Variants in C12orf56 observed in about 807,000 individuals in gnomAD.
The protein encoded by C12orf56 is uncharacterized protein C12orf56.
In C12orf56, 71 loss-of-function variants were observed where a neutral mutation model predicts 69.9. That is an observed-to-expected ratio of 1.02 (90% CI 0.84 to 1.24). The LOEUF (loss-of-function observed/expected upper bound fraction) is 1.24. Ranked by LOEUF, C12orf56 falls within the 50% of genes most tolerant of loss-of-function variation. The probability of loss-of-function intolerance (pLI) is 0.00; values close to 1 mark genes in which losing one functional copy is unlikely to be tolerated. For missense variants in C12orf56, 732 were observed against 738.5 expected, an observed-to-expected ratio of 0.99 and a Z score of 0.10; for synonymous variants, 276 against 274.1, an observed-to-expected ratio of 1.01 and a Z score of -0.07.
At chr12:64,328,299 C>T (rs1276274467) in intron 3 of C12orf56, among the ~76,000 whole-genome samples, 1 of 152,014 alleles carries the variant, frequency 6.6e-6, no homozygotes, top group Non-Finnish European at 1.5e-5. Context: ...TTAATTTTCC[C>T]TATGCCTCTA....
rs537531479 is a variant in C12orf56, at chr12:64,274,089, G to A, written c.1584+812C>T. ...CTAATGAGGGAATCTCCCCTGTCACGGGGGGCAGAGAAGCGTCCTCCACTG... is the reference window on the plus strand; with the variant it reads ...CTAATGAGGGAATCTCCCCTGTCACAGGGGGCAGAGAAGCGTCCTCCACTG... On this transcript the variant is annotated intron_variant, in intron 11 of 12. Transcript: ENST00000543942. 6.6e-5 allele frequency among the ~76,000 whole-genome samples: 10 copies of A among 152,334 alleles called. No homozygotes were observed. The East Asian group carries it at 1.7e-3, about 26-fold the overall frequency.
intron 4 of C12orf56, 40 bp downstream of exon 4, chr12:64,318,535 A>G (rs2038718604): frequency 6.9e-7 from 1 of 1,440,108 alleles, no homozygotes; most frequent in Non-Finnish European, 9.2e-7. Context: ...AAATAAAAAT[A>G]TAAAAATTCA....
At position 64,293,518 on chromosome 12, in the gene C12orf56, A is replaced by G. The variant is rs1020365146; in HGVS notation, c.1114-7458T>C. On this transcript the variant is annotated intron_variant, in intron 6 of 12. Transcript: ENST00000543942. ...TTCTTTGTCTTTCAAATGGGTTAAT[A>G]ATATCACCTCATGGGGTTGATTTAA... 3 of 152,320 alleles carry G rather than the reference A, an allele frequency of 2.0e-5. 1 individual carries two copies. Among genetic ancestry groups the G allele is most frequent in the Admixed American group, 2.0e-4 (3 of 15,300 alleles). 9.4% of individuals were successfully genotyped at this position (152,320 alleles called of 1,614,324 possible). A position where few individuals can be genotyped will look rare whatever the true frequency, so the allele number is the denominator to read the frequency against.
chr12:64,372,422 T>A (rs887892970), intron 1 of C12orf56, among the ~76,000 whole-genome samples: 4 of 152,240 alleles, frequency 2.6e-5, no homozygotes, highest in Admixed American at 2.0e-4. Context: ...TTGCGAACTA[T>A]GTCTGACTAC....
intron 1 of C12orf56, among the ~76,000 whole-genome samples, chr12:64,361,428 C>T (rs887808291): frequency 1.3e-5 from 2 of 151,946 alleles, no homozygotes; most frequent in Admixed American, 1.3e-4. Flanking sequence ...GAGCTCAGCA[C>T]AAGATACAGG....
chr12:64,358,778 A>G (rs1009414582), intron 1 of C12orf56, among the ~76,000 whole-genome samples: 5 of 152,144 alleles, frequency 3.3e-5, no homozygotes, highest in Non-Finnish European at 7.4e-5. Context: ...TGGGCGACAC[A>G]GTGAGACTCC....
chr12:64,321,496 A>C (rs1482417374), intron 3 of C12orf56, among the ~76,000 whole-genome samples: 1 of 151,676 alleles, frequency 6.6e-6, no homozygotes, highest in Non-Finnish European at 1.5e-5. Context: ...TTTTATTTTT[A>C]CAAACTTAAA....
chr12:64,272,368 G>A (rs2038001332), intron 11 of C12orf56, among the ~76,000 whole-genome samples: 1 of 151,738 alleles, frequency 6.6e-6, no homozygotes, highest in African/African-American at 2.4e-5. Flanking sequence ...AGCCAGTCGT[G>A]GTGGCAGGTG....
chr12:64,315,188 G>A (rs2038675515), intron 4 of C12orf56, among the ~76,000 whole-genome samples: 1 of 151,888 alleles, frequency 6.6e-6, no homozygotes, highest in Admixed American at 6.6e-5. Flanking sequence ...CTGACCTCAG[G>A]TGATCCAACT....
chr12:64,330,866 C>T (rs757303582), intron 3 of C12orf56, 94 bp downstream of exon 3: 35 of 1,007,386 alleles, frequency 3.5e-5, no homozygotes, highest in Non-Finnish European at 4.8e-5. Flanking sequence ...CAGTCCAAAG[C>T]CATTAGTAGA....
chr12:64,271,157 TC>T, intron 11 of C12orf56, among the ~76,000 whole-genome samples: 1 of 149,800 alleles, frequency 6.7e-6, no homozygotes, highest in East Asian at 2.0e-4. Context: ...AGAGCAAGAT[TC>T]CATCTCAAAA....
intron 1 of C12orf56, among the ~76,000 whole-genome samples, chr12:64,369,730 C>T (rs978698668): frequency 6.6e-6 from 1 of 151,754 alleles, no homozygotes; most frequent in East Asian, 2.0e-4. Context: ...CGCCTGTAAT[C>T]CCAGCACTTT....
At chr12:64,325,060 T>C (rs371093073) in intron 3 of C12orf56, among the ~76,000 whole-genome samples, 2 of 152,160 alleles carry the variant, frequency 1.3e-5, no homozygotes, top group East Asian at 1.9e-4. Flanking sequence ...CCTAGGAGTC[T>C]GTACTCTCCA....
At chr12:64,280,977 A>C (rs1281219767) in intron 8 of C12orf56, among the ~76,000 whole-genome samples, 7 of 152,208 alleles carry the variant, frequency 4.6e-5, no homozygotes, top group Admixed American at 3.3e-4. Flanking sequence ...GCAATAGAAA[A>C]CTAATACAAT....
intron 11 of C12orf56, among the ~76,000 whole-genome samples, chr12:64,273,115 G>A (rs974972198): frequency 6.6e-5 from 10 of 151,944 alleles, no homozygotes; most frequent in South Asian, 4.2e-4. Flanking sequence ...GCAACATGGC[G>A]AAACCCCGTC....
chr12:64,304,517 C>T (rs925328109), intron 5 of C12orf56, among the ~76,000 whole-genome samples: 7 of 152,058 alleles, frequency 4.6e-5, no homozygotes, highest in African/African-American at 9.7e-5. Flanking sequence ...AAATGCAGCC[C>T]CTCTCCCACT....
chr12:64,328,698 AAAAAAAAAATATATATATATATATATAT>A (rs2038880658), intron 3 of C12orf56, among the ~76,000 whole-genome samples: 1 of 20,896 alleles, frequency 4.8e-5, no homozygotes, highest in African/African-American at 1.8e-4. Flanking sequence ...AAAAAAAAAA[AAAAAAAAAATATATATATATATATATAT>A]ATATATATAT....
At chr12:64,310,701 AT>A (rs889098871) in intron 5 of C12orf56, among the ~76,000 whole-genome samples, 8 of 145,940 alleles carry the variant, frequency 5.5e-5, no homozygotes, top group African/African-American at 2.0e-4. Flanking sequence ...CTCATTTCTT[AT>A]TTTTTTCTTC....
chr12:64,386,124 A>C (rs540116683), intron 1 of C12orf56, among the ~76,000 whole-genome samples: 94 of 152,184 alleles, frequency 6.2e-4, no homozygotes, highest in Non-Finnish European at 1.2e-3. Context: ...CCACCTTCAA[A>C]ACTAGCAATG....
Sources: gnomAD v4.1 joint callset for allele counts (sites outside exome capture counted in the v4.1 genomes callset) on GRCh38, gnomAD v4.1.1 for gene constraint, MANE v1.5 for transcripts, NCBI Gene and HGNC (gene_info 2026-07-23, HGNC 2026-07-21) for gene names.